The following WIPF1 variants were observed in gnomAD, a reference collection of about 807,000 sequenced individuals.
The protein encoded by WIPF1 is WAS/WASL interacting protein family member 1.
WIPF1 carries 13 observed loss-of-function variants against 35.4 expected under a neutral mutation model. The ratio of observed to expected loss-of-function variants is 0.37; its 90% confidence interval spans 0.24 to 0.58. The LOEUF (loss-of-function observed/expected upper bound fraction) is 0.58. Ranked by LOEUF, WIPF1 falls within the 20% of genes least tolerant of loss-of-function variation. The pLI, the probability that WIPF1 is intolerant of heterozygous loss-of-function variation, is 0.74. For synonymous variants in WIPF1, 267 were observed against 266.3 expected, an observed-to-expected ratio of 1.00 and a Z score of -0.02; for missense variants, 591 against 667.0, an observed-to-expected ratio of 0.89 and a Z score of 1.25.
At chr2:174,633,066 A>G (rs532420454) in intron 1 of WIPF1, among the ~76,000 whole-genome samples, 6 of 152,264 alleles carry the variant, frequency 3.9e-5, no homozygotes, top group East Asian at 3.9e-4. Flanking sequence ...TCCAAACCTG[A>G]TAACAATGTG....
chr2:174,662,709 G>T (rs1213691589), intron 1 of WIPF1, among the ~76,000 whole-genome samples: 1 of 152,160 alleles, frequency 6.6e-6, no homozygotes, highest in African/African-American at 2.4e-5. Flanking sequence ...AAGGGAATAA[G>T]AGGGCTGCTT....
chr2:174,651,553 G>T (rs923941058), intron 1 of WIPF1, among the ~76,000 whole-genome samples: 1 of 152,046 alleles, frequency 6.6e-6, no homozygotes, highest in African/African-American at 2.4e-5. Context: ...ACTGGTTAGC[G>T]AACTCCCCAA....
chr2:174,674,322 AAG>A (rs1688083970), intron 1 of WIPF1, among the ~76,000 whole-genome samples: 1 of 152,238 alleles, frequency 6.6e-6, no homozygotes, highest in Non-Finnish European at 1.5e-5. Context: ...TTTTGGATTC[AAG>A]AGAGAAACTC....
intron 7 of WIPF1, chr2:174,566,448 G>A (rs1203953101): frequency 6.6e-6 from 1 of 152,070 alleles, no homozygotes; most frequent in Non-Finnish European, 1.5e-5. Flanking sequence ...ACTATATGCT[G>A]AAATAAAAAC....
intron 1 of WIPF1, among the ~76,000 whole-genome samples, chr2:174,626,250 C>G (rs1686828619): frequency 6.6e-6 from 1 of 152,118 alleles, no homozygotes; most frequent in African/African-American, 2.4e-5. Flanking sequence ...AAACAAGAAT[C>G]CTGATTCTTC....
intron 1 of WIPF1, among the ~76,000 whole-genome samples, chr2:174,643,427 G>A (rs1687339833): frequency 6.7e-6 from 1 of 149,016 alleles, no homozygotes; most frequent in African/African-American, 2.6e-5. Context: ...GTGTGTGTGT[G>A]TGTGAGACAG....
intron 5 of WIPF1, chr2:174,568,884 G>T (rs779267573): frequency 6.6e-6 from 1 of 152,106 alleles, no homozygotes. Flanking sequence ...TTAAAAAAAT[G>T]TAGCAGTATG....
intron 1 of WIPF1, among the ~76,000 whole-genome samples, chr2:174,636,717 C>G (rs756428778): frequency 1.7e-4 from 26 of 152,164 alleles, no homozygotes; most frequent in Non-Finnish European, 3.2e-4. Flanking sequence ...TTGAGAAATA[C>G]TGGTCTGGTA....
intron 1 of WIPF1, among the ~76,000 whole-genome samples, chr2:174,647,349 G>C (rs1468165319): frequency 6.6e-6 from 1 of 151,802 alleles, no homozygotes; most frequent in Non-Finnish European, 1.5e-5. Context: ...CTGTACTCCA[G>C]CCTGGGCGAC....
chr2:174,571,669 G>C lies in WIPF1; in HGVS notation c.1129+7C>G, dbSNP rs1005877347. 1.2e-6 allele frequency: 2 copies of C among 1,614,202 alleles called. No individual in the cohort carries two copies. Among genetic ancestry groups the C allele is most frequent in the Non-Finnish European group, 1.7e-6 (2 of 1,180,042 alleles). ...TTGGAAGCAACTCACTCCACGTCTTGTCATACCTGATCGGCCTGGCGGGTC... is the reference window on the plus strand; with the variant it reads ...TTGGAAGCAACTCACTCCACGTCTTCTCATACCTGATCGGCCTGGCGGGTC... On this transcript the variant is annotated splice_region_variant and intron_variant, in intron 5 of 7. Transcript: ENST00000679041. This position sits in a 1 kb window ranked among gnomAD's most constrained non-coding sequence, Gnocchi z 4.6.
intron 1 of WIPF1, among the ~76,000 whole-genome samples, chr2:174,615,571 T>C (rs1361363717): frequency 6.6e-6 from 1 of 152,248 alleles, no homozygotes; most frequent in African/African-American, 2.4e-5. Context: ...CTGTTTATGT[T>C]TGTATAGCAA....
intron 1 of WIPF1, among the ~76,000 whole-genome samples, chr2:174,595,109 A>AAATAT (rs1553529785): frequency 8.7e-5 from 5 of 57,750 alleles, no homozygotes; most frequent in African/African-American, 4.5e-4. Flanking sequence ...AAAAAAAAAA[A>AAATAT]ATATATATAT....
intron 1 of WIPF1, among the ~76,000 whole-genome samples, chr2:174,649,262 G>A (rs930514485): frequency 6.6e-6 from 1 of 152,170 alleles, no homozygotes; most frequent in Non-Finnish European, 1.5e-5. Flanking sequence ...GTACACACAC[G>A]TATATATTTC....
chr2:174,675,879 A>G (rs1688118122), intron 1 of WIPF1, among the ~76,000 whole-genome samples: 1 of 144,050 alleles, frequency 6.9e-6, no homozygotes, highest in Non-Finnish European at 1.5e-5. Flanking sequence ...AAGAGTTGGG[A>G]GGATGGGCAT....
intron 1 of WIPF1, among the ~76,000 whole-genome samples, chr2:174,682,267 T>A (rs1309959862): frequency 2.0e-5 from 3 of 152,062 alleles, no homozygotes; most frequent in South Asian, 2.1e-4. Context: ...GGAGGCGGGC[T>A]GGAGCGCGGG....
At chr2:174,638,909 G>C (rs528622629) in intron 1 of WIPF1, among the ~76,000 whole-genome samples, 1 of 152,002 alleles carries the variant, frequency 6.6e-6, no homozygotes, top group Non-Finnish European at 1.5e-5. Flanking sequence ...TCCAGTAGTG[G>C]GACTGCTGGA....
chr2:174,648,402 A>T (rs1287705206), intron 1 of WIPF1, among the ~76,000 whole-genome samples: 1 of 152,238 alleles, frequency 6.6e-6, no homozygotes, highest in East Asian at 1.9e-4. Context: ...GCATACAGAA[A>T]TGATCAGCCA....
intron 1 of WIPF1, among the ~76,000 whole-genome samples, chr2:174,642,594 G>C (rs1423794902): frequency 3.3e-5 from 5 of 151,524 alleles, no homozygotes; most frequent in Non-Finnish European, 7.4e-5. Flanking sequence ...TGATCCACCT[G>C]CCTCGGCCTC....
chr2:174,562,099 C>T lies in WIPF1; in HGVS notation c.*448G>A, dbSNP rs1240360715. On this transcript the variant is annotated 3_prime_UTR_variant, in exon 8 of 8. Coordinates refer to ENST00000679041, the MANE Select transcript of WIPF1 (RefSeq NM_001375834.1). ...CTGTGACTGCAAGTTTCCAGTGAGC[C>T]CTTACTCAGCAGCTTGCTTAGGTGG... 6.4e-7 allele frequency: 1 copy of T among 1,550,584 alleles called. No individual in the cohort carries two copies. Among genetic ancestry groups the T allele is most frequent in the Non-Finnish European group, 8.7e-7 (1 of 1,146,990 alleles).
Sources: gnomAD v4.1 joint callset for allele counts (sites outside exome capture counted in the v4.1 genomes callset) on GRCh38, gnomAD v4.1.1 for gene constraint, Gnocchi (gnomAD v3.1) non-coding constraint, MANE v1.5 for transcripts, NCBI Gene and HGNC (gene_info 2026-07-23, HGNC 2026-07-21) for gene names.